CDH13: variants seen among roughly 807,000 people sequenced by gnomAD.
The protein encoded by CDH13 is cadherin-13.
A neutral mutation model predicts 63.8 loss-of-function variants in CDH13; 24 were observed. The observed-to-expected ratio is 0.38, with a 90% CI of 0.27 to 0.53. CDH13 has a LOEUF of 0.53. Among genes scored for constraint, CDH13 ranks in the 20% least tolerant of loss-of-function variants. The pLI, the probability that CDH13 is intolerant of heterozygous loss-of-function variation, is 0.85. For missense variants in CDH13, 1,049 were observed against 903.1 expected, an observed-to-expected ratio of 1.16 and a Z score of -2.07; for synonymous variants, 503 against 355.3, an observed-to-expected ratio of 1.42 and a Z score of -4.67.
At chr16:82,728,037 A>G (rs1374369774) in intron 1 of CDH13, among the ~76,000 whole-genome samples, 2 of 152,160 alleles carry the variant, frequency 1.3e-5, no homozygotes, top group African/African-American at 4.8e-5. Context: ...AAGCTGCTCT[A>G]TTACTTATTA....
At chr16:83,298,059 AAAAAG>A (rs2089644815) in intron 5 of CDH13, among the ~76,000 whole-genome samples, 2 of 150,962 alleles carry the variant, frequency 1.3e-5, no homozygotes, top group African/African-American at 2.4e-5. Flanking sequence ...AAAAAAAAAA[AAAAAG>A]AAAAAGAAAA....
intron 5 of CDH13, among the ~76,000 whole-genome samples, chr16:83,274,195 C>T (rs1395796695): frequency 1.3e-5 from 2 of 152,178 alleles, no homozygotes; most frequent in Admixed American, 6.5e-5. Flanking sequence ...CAGTGACAAC[C>T]ATTCTGCTGG....
At chr16:83,205,312 A>C (rs924167676) in intron 4 of CDH13, among the ~76,000 whole-genome samples, 3 of 152,194 alleles carry the variant, frequency 2.0e-5, no homozygotes, top group African/African-American at 7.2e-5. Flanking sequence ...TGGGACAATA[A>C]GGGATGTAAA....
At chr16:83,104,808 T>C (rs2151609258) in intron 3 of CDH13, among the ~76,000 whole-genome samples, 1 of 152,146 alleles carries the variant, frequency 6.6e-6, no homozygotes, top group East Asian at 1.9e-4. Flanking sequence ...CATAACATTA[T>C]GAAGCTAACG....
chr16:83,013,163 G>A (rs757177054), intron 2 of CDH13, among the ~76,000 whole-genome samples: 3 of 152,200 alleles, frequency 2.0e-5, no homozygotes, highest in South Asian at 2.1e-4. Context: ...GCTTATGAGC[G>A]AGATATTCTG....
intron 2 of CDH13, among the ~76,000 whole-genome samples, chr16:83,008,096 A>G (rs1431049457): frequency 2.0e-5 from 3 of 152,160 alleles, no homozygotes; most frequent in Non-Finnish European, 4.4e-5. Context: ...TTAGAGAGCT[A>G]CCATGTATGA....
At chr16:82,999,508 G>T (rs560459811) in intron 2 of CDH13, among the ~76,000 whole-genome samples, 1 of 151,568 alleles carries the variant, frequency 6.6e-6, no homozygotes, top group Non-Finnish European at 1.5e-5. Context: ...CAAGATACGT[G>T]TTCAAGGCAA....
intron 7 of CDH13, among the ~76,000 whole-genome samples, chr16:83,574,496 G>T (rs1246952561): frequency 6.6e-6 from 1 of 152,112 alleles, no homozygotes; most frequent in Non-Finnish European, 1.5e-5. Flanking sequence ...GTCTGGATTA[G>T]GTGTGTCACT....
intron 1 of CDH13, among the ~76,000 whole-genome samples, chr16:82,773,153 G>C (rs1308009152): frequency 2.0e-5 from 3 of 152,230 alleles, no homozygotes; most frequent in Admixed American, 2.0e-4. Context: ...GGCTGAGAAA[G>C]GCAGAGCAAA....
intron 6 of CDH13, among the ~76,000 whole-genome samples, chr16:83,476,887 A>G (rs556111588): frequency 2.0e-5 from 3 of 152,250 alleles, no homozygotes; most frequent in Non-Finnish European, 4.4e-5. Flanking sequence ...CATTTAATTC[A>G]GCATAGAGTA....
intron 10 of CDH13, among the ~76,000 whole-genome samples, chr16:83,716,760 G>A (rs954609400): frequency 1.3e-5 from 2 of 152,130 alleles, no homozygotes; most frequent in African/African-American, 4.8e-5. Flanking sequence ...GGGATTATAG[G>A]CATGAGCCAC....
At chr16:83,568,346 A>T (rs533960773) in intron 7 of CDH13, among the ~76,000 whole-genome samples, 1 of 152,350 alleles carries the variant, frequency 6.6e-6, no homozygotes, top group South Asian at 2.1e-4. Context: ...CCTAGGAAGA[A>T]AACACAGGAT....
chr16:83,487,114 T>A (rs114879117), intron 7 of CDH13, among the ~76,000 whole-genome samples: 4 of 152,274 alleles, frequency 2.6e-5, no homozygotes, highest in African/African-American at 9.6e-5. Flanking sequence ...GCATTCCCCC[T>A]TGAACCCCTC....
chr16:82,801,443 A>G (rs1383801993), intron 1 of CDH13, among the ~76,000 whole-genome samples: 1 of 152,194 alleles, frequency 6.6e-6, no homozygotes, highest in Admixed American at 6.5e-5. Context: ...GCTTTGTGCA[A>G]TCATTCAGGA....
chr16:82,895,987 A>G (rs2041243014), intron 2 of CDH13, among the ~76,000 whole-genome samples: 1 of 152,140 alleles, frequency 6.6e-6, no homozygotes. Flanking sequence ...TTTCATGGGT[A>G]GTGCTTCCTG....
intron 7 of CDH13, among the ~76,000 whole-genome samples, chr16:83,586,281 G>A (rs1567786040): frequency 6.6e-6 from 1 of 152,200 alleles, no homozygotes; most frequent in Non-Finnish European, 1.5e-5. Flanking sequence ...CACCGGCACA[G>A]GGCGCTGAGG....
chr16:82,779,044 A>G (rs985933791), intron 1 of CDH13, among the ~76,000 whole-genome samples: 5 of 152,196 alleles, frequency 3.3e-5, no homozygotes, highest in Admixed American at 3.3e-4. Context: ...TTAGAGAGGA[A>G]AGATAATCTA....
chr16:82,653,222 C>A (rs1279157246), intron 1 of CDH13, among the ~76,000 whole-genome samples: 1 of 152,070 alleles, frequency 6.6e-6, no homozygotes, highest in East Asian at 1.9e-4. Context: ...TTTCTGAGGA[C>A]CTGATAATGT....
Position 82,905,365 on chromosome 16 carries a change from T to G in CDH13, c.157+46892T>G, listed in dbSNP as rs142435254. Among the ~76,000 whole-genome samples the G allele has an allele frequency of 2.8e-3, 419 of 152,288 alleles. 2 individuals carry two copies. Among genetic ancestry groups the G allele is most frequent in the African/African-American group, 9.0e-3 (376 of 41,556 alleles). On this transcript the variant is annotated intron_variant, in intron 2 of 13. Transcript: ENST00000567109. ...ACTAATTATATATCTGATAGTCGTTTTTAAGGAGGAAGAAGTTACCATAAG... is the reference window on the plus strand; with the variant it reads ...ACTAATTATATATCTGATAGTCGTTGTTAAGGAGGAAGAAGTTACCATAAG...
Sources: allele counts gnomAD v4.1 joint callset (sites outside exome capture counted in the v4.1 genomes callset), GRCh38; gene constraint gnomAD v4.1.1; transcripts MANE v1.5; gene names NCBI Gene and HGNC (gene_info 2026-07-23, HGNC 2026-07-21).